The following NLK variants were observed in gnomAD, a reference collection of about 807,000 sequenced individuals.
The protein encoded by NLK is nemo like kinase.
NLK carries 11 observed loss-of-function variants against 59.0 expected under a neutral mutation model. That is an observed-to-expected ratio of 0.19 (90% confidence interval 0.12 to 0.31). The LOEUF (loss-of-function observed/expected upper bound fraction) is 0.31. Ranked by LOEUF, NLK falls within the 10% of genes least tolerant of loss-of-function variation. NLK has a pLI of 1.00. For synonymous variants in NLK, 235 were observed against 235.9 expected, an observed-to-expected ratio of 1.00 and a Z score of 0.03; for missense variants, 410 against 661.1, an observed-to-expected ratio of 0.62 and a Z score of 4.16.
chr17:28,156,516 T>C (rs956181651), intron 3 of NLK, among the ~76,000 whole-genome samples: 4 of 152,200 alleles, frequency 2.6e-5, no homozygotes, highest in Non-Finnish European at 5.9e-5. Flanking sequence ...TTGAGTCTCT[T>C]ATCCCAAACA....
At chr17:28,045,954 A>C (rs1213403057) in intron 1 of NLK, among the ~76,000 whole-genome samples, 1 of 152,200 alleles carries the variant, frequency 6.6e-6, no homozygotes, top group Non-Finnish European at 1.5e-5. Context: ...GTAACTAACT[A>C]CCGGGGTATT....
chr17:28,063,411 G>A (rs1303602491), intron 1 of NLK, among the ~76,000 whole-genome samples: 4 of 151,938 alleles, frequency 2.6e-5, no homozygotes, highest in African/African-American at 9.7e-5. Context: ...AATCGAGGAT[G>A]ATTTATATAT....
intron 1 of NLK, among the ~76,000 whole-genome samples, chr17:28,052,707 T>C (rs1413107387): frequency 1.3e-5 from 2 of 152,176 alleles, no homozygotes; most frequent in Non-Finnish European, 2.9e-5. Context: ...AATATTGTCA[T>C]TTCAACATGT....
At position 28,112,476 on chromosome 17, in the gene NLK, A is replaced by G. The variant is rs1208540494; in HGVS notation, c.459-10127A>G. Among the ~76,000 whole-genome samples, 3 of 152,110 alleles carry G rather than the reference A, an allele frequency of 2.0e-5. No individual in the cohort carries two copies. In the East Asian group the frequency reaches 5.8e-4, roughly 29 times the overall value. ...CTGTGACTCCCACTATTCTTACACA[A>G]ATTTCAGCAGTTTTTTGTAAAAACA... is the stretch of plus-strand genomic sequence containing the variant. On this transcript the variant is annotated intron_variant, in intron 1 of 10. Transcript: ENST00000407008.
intron 1 of NLK, among the ~76,000 whole-genome samples, chr17:28,068,879 A>G (rs899999599): frequency 6.6e-6 from 1 of 152,042 alleles, no homozygotes; most frequent in Non-Finnish European, 1.5e-5. Flanking sequence ...GGATCTCACT[A>G]TGTTGCCCAA....
intron 1 of NLK, among the ~76,000 whole-genome samples, chr17:28,099,295 T>G (rs2142788044): frequency 6.6e-6 from 1 of 152,250 alleles, no homozygotes; most frequent in Non-Finnish European, 1.5e-5. Context: ...TACAACAAAA[T>G]TCACCTATCT....
At position 28,185,228 on chromosome 17, in the gene NLK, C is replaced by T; in HGVS notation, c.1199C>T (p.Ala400Val). Residue 400 changes from alanine to valine, a missense_variant, in exon 8 of 11, where the codon GCT becomes GTT. By Grantham distance (64) the Ala-to-Val change is moderately conservative. Coordinates refer to ENST00000407008, the MANE Select transcript of NLK (RefSeq NM_016231.5). Reference sequence around the variant, plus strand: ...CTGTCTAGCCAGGCTACACATGAAGCTGTTCATCTCCTTTGCAGGATGTTG... The same window carrying T: ...CTGTCTAGCCAGGCTACACATGAAGTTGTTCATCTCCTTTGCAGGATGTTG... ...YTLSSQATHE[A>V]VHLLCRMLVF... 1 of 1,594,664 alleles carries T rather than the reference C, an allele frequency of 6.3e-7. No homozygotes were observed. The highest frequency in any genetic ancestry group is 1.1e-5 in the South Asian group (1 of 87,720).
chr17:28,169,288 T>C (rs537975683), intron 6 of NLK, among the ~76,000 whole-genome samples: 2 of 152,358 alleles, frequency 1.3e-5, no homozygotes, highest in Non-Finnish European at 2.9e-5. Flanking sequence ...TCCTTCTAAG[T>C]GAATGGCTCT....
chr17:28,062,027 T>C (rs1469390609), intron 1 of NLK: 2 of 151,044 alleles, frequency 1.3e-5, no homozygotes, highest in Admixed American at 6.6e-5. Flanking sequence ...ATCTAATCCC[T>C]GAGCTGGGGT....
intron 1 of NLK, among the ~76,000 whole-genome samples, chr17:28,045,498 G>A (rs936741663): frequency 2.6e-5 from 4 of 152,148 alleles, no homozygotes; most frequent in South Asian, 2.1e-4. Flanking sequence ...GTGTTATCAC[G>A]TGATTCGGGT....
intron 8 of NLK, among the ~76,000 whole-genome samples, chr17:28,189,967 T>C (rs1430048845): frequency 6.6e-6 from 1 of 152,116 alleles, no homozygotes; most frequent in East Asian, 1.9e-4. Context: ...ATAGCAAAAA[T>C]CAGTGATAAA....
At chr17:28,080,805 T>G (rs983878563) in intron 1 of NLK, among the ~76,000 whole-genome samples, 4 of 152,166 alleles carry the variant, frequency 2.6e-5, no homozygotes, top group African/African-American at 9.7e-5. Flanking sequence ...TCTAAAAGAT[T>G]TATTCGGTGT....
chr17:28,139,930 G>A (rs1468082746), intron 3 of NLK, among the ~76,000 whole-genome samples: 3 of 152,204 alleles, frequency 2.0e-5, no homozygotes, highest in Non-Finnish European at 4.4e-5. Flanking sequence ...AAAGAATATA[G>A]TGAGGTAGTG....
At chr17:28,069,040 C>A (rs1285697128) in intron 1 of NLK, among the ~76,000 whole-genome samples, 1 of 152,130 alleles carries the variant, frequency 6.6e-6, no homozygotes, top group African/African-American at 2.4e-5. Flanking sequence ...ATTTTATCAC[C>A]CCAGAAAGTT....
chr17:28,174,950 C>T (rs974649711), intron 7 of NLK, among the ~76,000 whole-genome samples: 1 of 151,164 alleles, frequency 6.6e-6, no homozygotes, highest in African/African-American at 2.4e-5. Context: ...TGGAAGACAC[C>T]TACACACGAT....
At chr17:28,154,553 A>G (rs1907620950) in intron 3 of NLK, among the ~76,000 whole-genome samples, 1 of 152,176 alleles carries the variant, frequency 6.6e-6, no homozygotes, top group South Asian at 2.1e-4. Flanking sequence ...GTGGCAGGAG[A>G]TGACTTAACT....
chr17:28,098,675 C>CTTTTTTTTT (rs781294029), intron 1 of NLK, among the ~76,000 whole-genome samples: 1 of 67,566 alleles, frequency 1.5e-5, no homozygotes. Context: ...CATTACCATT[C>CTTTTTTTTT]TTTTTTTTTT....
chr17:28,068,879 A>C (rs899999599), intron 1 of NLK, among the ~76,000 whole-genome samples: 1 of 152,042 alleles, frequency 6.6e-6, no homozygotes, highest in African/African-American at 2.4e-5. Flanking sequence ...GGATCTCACT[A>C]TGTTGCCCAA....
chr17:28,051,143 A>G (rs1263117599), intron 1 of NLK, among the ~76,000 whole-genome samples: 3 of 151,904 alleles, frequency 2.0e-5, no homozygotes, highest in Non-Finnish European at 4.4e-5. Flanking sequence ...CATTGTATTT[A>G]GCCTGATAGT....
Sources: gnomAD v4.1 joint callset for allele counts (sites outside exome capture counted in the v4.1 genomes callset) on GRCh38, gnomAD v4.1.1 for gene constraint, MANE v1.5 for transcripts, NCBI Gene and HGNC (gene_info 2026-07-23, HGNC 2026-07-21) for gene names.